PDSS2: variants seen among roughly 807,000 people sequenced by gnomAD.
PDSS2 encodes the protein all trans-polyprenyl-diphosphate synthase PDSS2.
PDSS2 carries 31 observed loss-of-function variants against 44.5 expected under a neutral mutation model. The ratio of observed to expected loss-of-function variants is 0.70; its 90% CI spans 0.52 to 0.94. PDSS2 has a LOEUF of 0.94. Among genes scored for constraint, PDSS2 ranks in the 40% least tolerant of loss-of-function variants. PDSS2 has a pLI of 0.00. For synonymous variants in PDSS2, 157 were observed against 180.3 expected (o/e 0.87, Z 1.03); for missense variants, 452 against 482.2 (o/e 0.94, Z 0.59).
At chr6:107,424,510 T>C (rs1780927984) in intron 1 of PDSS2, among the ~76,000 whole-genome samples, 1 of 152,196 alleles carries the variant, frequency 6.6e-6, no homozygotes, top group Non-Finnish European at 1.5e-5. Context: ...TCAGTTCCAC[T>C]CTTATTTGAT....
intron 2 of PDSS2, among the ~76,000 whole-genome samples, chr6:107,291,899 A>G (rs555559883): frequency 1.3e-5 from 2 of 152,264 alleles, no homozygotes; most frequent in African/African-American, 2.4e-5. Context: ...AGGCCGTAAT[A>G]AAGATGACCT....
At chr6:107,392,779 T>C (rs1779824044) in intron 1 of PDSS2, among the ~76,000 whole-genome samples, 1 of 152,230 alleles carries the variant, frequency 6.6e-6, no homozygotes, top group South Asian at 2.1e-4. Context: ...CAATTTACTC[T>C]AGTGTCAGAA....
chr6:107,210,666 T>C (rs1028232293), intron 5 of PDSS2, 96 bp from the exon 6 acceptor site: 4 of 855,026 alleles, frequency 4.7e-6, no homozygotes, highest in Non-Finnish European at 7.8e-6. Flanking sequence ...CAGTGAAATA[T>C]GAAGCTTAAG....
In PDSS2 at chr6:107,225,135, TTTTATA is replaced by T. The variant is rs1432506060; in HGVS notation, c.703-12859_703-12854del. On this transcript the variant is annotated intron_variant, in intron 4 of 7. Transcript: ENST00000369037. ...GAAGGAAGCTTCACTATATATATAT[TTTTATA>T]TATATATATATATATATATATTTTT... 2.6e-3 allele frequency among the ~76,000 whole-genome samples: 94 copies of T among 36,468 alleles called. 14 individuals are homozygous for T. Among genetic ancestry groups the T allele is most frequent in the Middle Eastern group, 0.017 (2 of 118 alleles). The allele number at this position is 36,468 out of a possible 152,430, so 23.9% of individuals were successfully genotyped here.
chr6:107,298,612 C>T (rs1776588359), intron 2 of PDSS2, among the ~76,000 whole-genome samples: 1 of 152,092 alleles, frequency 6.6e-6, no homozygotes, highest in African/African-American at 2.4e-5. Flanking sequence ...TATATACATA[C>T]ATGTGTGCAT....
chr6:107,292,656 G>T (rs1776384169), intron 2 of PDSS2, among the ~76,000 whole-genome samples: 1 of 152,170 alleles, frequency 6.6e-6, no homozygotes, highest in Non-Finnish European at 1.5e-5. Flanking sequence ...AACCAAGCCA[G>T]GTGACTTACT....
intron 1 of PDSS2, among the ~76,000 whole-genome samples, chr6:107,414,890 G>A (rs1446823187): frequency 6.6e-6 from 1 of 152,220 alleles, no homozygotes; most frequent in African/African-American, 2.4e-5. Context: ...ACTAAAAGGA[G>A]AATGTCCCAT....
chr6:107,365,804 G>T (rs2114334455), intron 1 of PDSS2, among the ~76,000 whole-genome samples: 1 of 152,100 alleles, frequency 6.6e-6, no homozygotes, highest in South Asian at 2.1e-4. Context: ...AATCATAAAG[G>T]TTTATCATAG....
intron 1 of PDSS2, among the ~76,000 whole-genome samples, chr6:107,403,475 C>T (rs975000565): frequency 3.9e-5 from 6 of 152,248 alleles, no homozygotes; most frequent in Non-Finnish European, 8.8e-5. Context: ...CCTCTTCTCA[C>T]AGCTCCATTA....
At chr6:107,303,795 T>C (rs956950266) in intron 2 of PDSS2, among the ~76,000 whole-genome samples, 1 of 152,202 alleles carries the variant, frequency 6.6e-6, no homozygotes, top group African/African-American at 2.4e-5. Flanking sequence ...CATATATCCA[T>C]GTGCATATGT....
chr6:107,273,340 A>G (rs1353500810), intron 3 of PDSS2, among the ~76,000 whole-genome samples: 1 of 152,064 alleles, frequency 6.6e-6, no homozygotes, highest in Non-Finnish European at 1.5e-5. Context: ...AAAAAAAAAC[A>G]CTAAAAATGT....
chr6:107,263,678 T>C (rs1044254712), intron 3 of PDSS2, among the ~76,000 whole-genome samples: 4 of 152,218 alleles, frequency 2.6e-5, no homozygotes, highest in African/African-American at 4.8e-5. Context: ...GTCTTATTTC[T>C]AGTATAATTT....
chr6:107,360,694 C>T (rs1778745484), intron 1 of PDSS2, among the ~76,000 whole-genome samples: 1 of 152,226 alleles, frequency 6.6e-6, no homozygotes, highest in Admixed American at 6.5e-5. Context: ...ATTTCTCATA[C>T]TCAACAAACT....
intron 1 of PDSS2, among the ~76,000 whole-genome samples, chr6:107,388,995 T>C (rs1218393839): frequency 2.6e-5 from 4 of 152,242 alleles, no homozygotes; most frequent in Non-Finnish European, 5.9e-5. Context: ...TCATACTGTA[T>C]GATTTTATTC....
chr6:107,275,616 T>C lies in PDSS2; in HGVS notation c.432-1389A>G, dbSNP rs146755234. Among the ~76,000 whole-genome samples the C allele has an allele frequency of 1.7e-3, 257 of 152,184 alleles. 5 individuals are homozygous for C. The East Asian group carries it at 0.043, about 25-fold the overall frequency. ...AGAACACTCACGTCAATCCACAGAA[T>C]GGTAAGTTGTTTCAAGTCACTAAAC... On this transcript the variant is annotated intron_variant, in intron 2 of 7. Transcript: ENST00000369037.
intron 1 of PDSS2, among the ~76,000 whole-genome samples, chr6:107,364,317 G>C (rs1007422105): frequency 6.6e-6 from 1 of 151,608 alleles, no homozygotes; most frequent in African/African-American, 2.4e-5. Flanking sequence ...GGGGAGGTTC[G>C]GGCCGCACAG....
chr6:107,261,175 C>A (rs1775209515), intron 3 of PDSS2, among the ~76,000 whole-genome samples: 2 of 152,210 alleles, frequency 1.3e-5, no homozygotes, highest in South Asian at 4.1e-4. Context: ...CTCCATCTAT[C>A]CTTTCTTCAC....
chr6:107,315,201 CA>C (rs1354593221), intron 2 of PDSS2, among the ~76,000 whole-genome samples: 1 of 152,018 alleles, frequency 6.6e-6, no homozygotes, highest in African/African-American at 2.4e-5. Flanking sequence ...ATAGAATTTG[CA>C]GATATAACTA....
chr6:107,231,005 T>C (rs1368027555), intron 4 of PDSS2, among the ~76,000 whole-genome samples: 1 of 152,026 alleles, frequency 6.6e-6, no homozygotes, highest in Non-Finnish European at 1.5e-5. Flanking sequence ...ACCCAGGAGT[T>C]TGAGACCAGC....
Sources: gnomAD v4.1 joint callset for allele counts (sites outside exome capture counted in the v4.1 genomes callset) on GRCh38, gnomAD v4.1.1 for gene constraint, MANE v1.5 for transcripts, NCBI Gene and HGNC (gene_info 2026-07-23, HGNC 2026-07-21) for gene names.